MAGI2: variants seen among roughly 807,000 people sequenced by gnomAD.
The protein encoded by MAGI2 is membrane-associated guanylate kinase, WW and PDZ domain-containing protein 2.
In MAGI2, 35 loss-of-function variants were observed where a neutral mutation model predicts 133.3. The observed-to-expected ratio is 0.26, with a 90% CI of 0.20 to 0.35. The LOEUF (loss-of-function observed/expected upper bound fraction) is 0.35. MAGI2 is among the 10% of genes least tolerant of loss of function. The probability of loss-of-function intolerance (pLI) is 1.00; values close to 1 mark genes in which losing one functional copy is unlikely to be tolerated. For synonymous variants in MAGI2, 729 were observed against 710.6 expected, an observed-to-expected ratio of 1.03 and a Z score of -0.41; for missense variants, 1,636 against 1,863.4, an observed-to-expected ratio of 0.88 and a Z score of 2.25.
intron 2 of MAGI2, among the ~76,000 whole-genome samples, chr7:78,760,577 C>T (rs74318287): frequency 0.029 from 4,467 of 151,962 alleles, 211 homozygotes; most frequent in African/African-American, 0.1. Flanking sequence ...TCTTAGCTAA[C>T]GAAGTAACCC....
At chr7:78,217,078 G>T (rs1403652630) in intron 10 of MAGI2, among the ~76,000 whole-genome samples, 1 of 152,160 alleles carries the variant, frequency 6.6e-6, no homozygotes, top group Admixed American at 6.6e-5. Context: ...TGGACTAGTG[G>T]CTCACCCTAC....
At chr7:78,204,393 C>T (rs2150771243) in intron 10 of MAGI2, among the ~76,000 whole-genome samples, 1 of 152,230 alleles carries the variant, frequency 6.6e-6, no homozygotes, top group Admixed American at 6.5e-5. Context: ...GGCATCTCTT[C>T]ACCCATTTTC....
chr7:78,344,792 CCTG>C (rs776331723), intron 8 of MAGI2, among the ~76,000 whole-genome samples: 5 of 152,114 alleles, frequency 3.3e-5, no homozygotes, highest in African/African-American at 4.8e-5. Flanking sequence ...CATAGATTTA[CCTG>C]CTAATTTGTT....
intron 1 of MAGI2, among the ~76,000 whole-genome samples, chr7:79,206,463 A>T (rs1829068587): frequency 6.8e-6 from 1 of 146,382 alleles, no homozygotes; most frequent in Non-Finnish European, 1.5e-5. Context: ...AAATTGGATA[A>T]TCTAGAAGAA....
chr7:79,424,208 C>T (rs1363290332), intron 1 of MAGI2, among the ~76,000 whole-genome samples: 5 of 151,966 alleles, frequency 3.3e-5, no homozygotes, highest in African/African-American at 1.2e-4. Flanking sequence ...TTTCACTAAA[C>T]ATAATGCCTT....
intron 3 of MAGI2, among the ~76,000 whole-genome samples, chr7:78,567,741 A>C (rs1340658597): frequency 2.0e-5 from 3 of 152,130 alleles, no homozygotes; most frequent in Non-Finnish European, 4.4e-5. Context: ...ACGCTAGAAT[A>C]TCTCCAATCA....
intron 16 of MAGI2, among the ~76,000 whole-genome samples, chr7:78,140,993 G>A (rs1374520264): frequency 6.6e-6 from 1 of 152,194 alleles, no homozygotes; most frequent in Non-Finnish European, 1.5e-5. Context: ...TCCAGGTGTA[G>A]ACTGAGAGAA....
chr7:78,766,958 C>T (rs542863196), intron 2 of MAGI2, among the ~76,000 whole-genome samples: 55 of 151,654 alleles, frequency 3.6e-4, no homozygotes, highest in Non-Finnish European at 5.6e-4. Context: ...ATCTGTGAAA[C>T]GCTTACGTTG....
intron 2 of MAGI2, among the ~76,000 whole-genome samples, chr7:78,821,846 G>A (rs1397733895): frequency 6.6e-6 from 1 of 151,916 alleles, no homozygotes; most frequent in Non-Finnish European, 1.5e-5. Context: ...GACAATGATA[G>A]ATTTGGGTTA....
chr7:78,633,496 G>T (rs190322830), intron 2 of MAGI2, among the ~76,000 whole-genome samples: 11 of 152,028 alleles, frequency 7.2e-5, no homozygotes, highest in Non-Finnish European at 1.3e-4. Flanking sequence ...ACGAGGTCAG[G>T]AGATCAAGAC....
intron 2 of MAGI2, among the ~76,000 whole-genome samples, chr7:78,995,920 A>G (rs1473024203): frequency 6.6e-6 from 1 of 152,140 alleles, no homozygotes; most frequent in Non-Finnish European, 1.5e-5. Context: ...CAGAGCCTCA[A>G]TTTCCCACAT....
At chr7:79,352,739 A>G (rs1351720894) in intron 1 of MAGI2, among the ~76,000 whole-genome samples, 1 of 152,230 alleles carries the variant, frequency 6.6e-6, no homozygotes, top group Non-Finnish European at 1.5e-5. Context: ...AGATGAGGTT[A>G]AGAGTACAAC....
intron 2 of MAGI2, among the ~76,000 whole-genome samples, chr7:78,655,454 C>CAAAAAAAAAAAAAAAAAAAAAACACCA: frequency 4.6e-5 from 3 of 64,948 alleles, no homozygotes; most frequent in Non-Finnish European, 8.5e-5. Flanking sequence ...AAAAAACAAC[C>CAAAAAAAAAAAAAAAAAAAAAACACCA]AAAAAAAAAA....
At chr7:79,010,095 A>G (rs1383863427) in intron 1 of MAGI2, among the ~76,000 whole-genome samples, 2 of 152,076 alleles carry the variant, frequency 1.3e-5, no homozygotes, top group African/African-American at 4.8e-5. Context: ...ATTTTTGTGT[A>G]TGTATATATA....
chr7:78,975,928 T>A (rs1347562691), intron 2 of MAGI2, among the ~76,000 whole-genome samples: 1 of 151,658 alleles, frequency 6.6e-6, no homozygotes, highest in Non-Finnish European at 1.5e-5. Flanking sequence ...ATGAAATGAA[T>A]CAATTCCTTG....
In MAGI2 at chr7:79,091,787, T is replaced by C. The variant is rs374616990; in HGVS notation, c.302-84581A>G. Among the ~76,000 whole-genome samples the C allele has an allele frequency of 7.2e-5, 11 of 152,140 alleles. No homozygotes were observed. In the East Asian group the frequency reaches 1.7e-3, roughly 24 times the overall value. ...ATGAATGGACATGGCTATGTTCCAA[T>C]AAAACTTTATTTATGAACACCAAAT... On this transcript the variant is annotated intron_variant, in intron 1 of 21. Coordinates refer to ENST00000354212, the MANE Select transcript of MAGI2 (RefSeq NM_012301.4).
At chr7:78,633,443 T>C (rs912607462) in intron 2 of MAGI2, among the ~76,000 whole-genome samples, 15 of 151,982 alleles carry the variant, frequency 9.9e-5, no homozygotes, top group African/African-American at 2.7e-4. Flanking sequence ...CGGTGGTTCA[T>C]GCCTGTAATC....
intron 13 of MAGI2, among the ~76,000 whole-genome samples, chr7:78,180,287 C>T (rs1267980702): frequency 6.6e-6 from 1 of 152,176 alleles, no homozygotes; most frequent in African/African-American, 2.4e-5. Flanking sequence ...GTGACTTCAG[C>T]ACCCATCCAT....
intron 2 of MAGI2, among the ~76,000 whole-genome samples, chr7:78,806,592 A>G (rs1207766104): frequency 6.6e-6 from 1 of 152,092 alleles, no homozygotes; most frequent in African/African-American, 2.4e-5. Flanking sequence ...TGGGGCCATC[A>G]AGGTGACTCA....
Sources: allele counts gnomAD v4.1 joint callset (sites outside exome capture counted in the v4.1 genomes callset), GRCh38; gene constraint gnomAD v4.1.1; transcripts MANE v1.5; gene names NCBI Gene and HGNC (gene_info 2026-07-23, HGNC 2026-07-21).